CCDC82: variants seen among roughly 807,000 people sequenced by gnomAD.
CCDC82 encodes the protein coiled-coil domain-containing protein 82.
Under a neutral mutation model 60.6 loss-of-function variants are expected in CCDC82, and 47 were observed. The observed-to-expected ratio is 0.77, with a 90% confidence interval of 0.61 to 0.99. The LOEUF (loss-of-function observed/expected upper bound fraction) is 0.99. CCDC82 is among the 50% of genes least tolerant of loss of function. The pLI is 0.00. For missense variants in CCDC82, 588 were observed against 633.0 expected, an observed-to-expected ratio of 0.93 and a Z score of 0.76; for synonymous variants, 212 against 207.4, an observed-to-expected ratio of 1.02 and a Z score of -0.19.
At chr11:96,382,776 T>C (rs1865947137) in intron 5 of CCDC82, 1 of 151,872 alleles carries the variant, frequency 6.6e-6, no homozygotes, top group Non-Finnish European at 1.5e-5. Context: ...GCAAAATTGT[T>C]TTCATACACT....
In CCDC82 at chr11:96,383,229, G is replaced by A. The variant is rs1238176084; in HGVS notation, c.991+40C>T. ...AATTTGATACTTGATAAAATATCAT[G>A]AGAACAATTCATGAAACATTTTCTT... On this transcript the variant is annotated intron_variant, in intron 5 of 9. Transcript: ENST00000646818. 11 of 1,130,642 alleles carry A rather than the reference G, an allele frequency of 9.7e-6. 1 individual carries two copies. In the South Asian group the frequency reaches 1.2e-4, roughly 13 times the overall value. The allele number at this position is 1,130,642 out of a possible 1,614,324, so 70.0% of individuals were successfully genotyped here.
At position 96,384,010 on chromosome 11, in the gene CCDC82, G is replaced by C. The variant is rs151048068; in HGVS notation, c.738C>G (p.Leu246=). ...KREKLQKLKE[L]SKQRSRQRRS... ...GTCTCTGACGAGATCTTTGTTTTGA[G>C]AGTTCTTTGAGCTTCTGAAGTTTTT... Residue 246 remains leucine, a synonymous_variant, in exon 4 of 10, where the codon CTC becomes CTG. Transcript: ENST00000646818. 1.2e-6 allele frequency: 2 copies of C among 1,613,248 alleles called. No individual in the cohort carries two copies. The highest frequency in any genetic ancestry group is 2.7e-5 in the African/African-American group (2 of 74,816).
chr11:96,371,229 G>A, intron 6 of CCDC82, 92 bp from the exon 7 acceptor site: 1 of 835,764 alleles, frequency 1.2e-6, no homozygotes, highest in Non-Finnish European at 1.7e-6. Context: ...CAACTTGGTT[G>A]GAAGCATTTT....
At chr11:96,360,438 G>A (rs184979041) in intron 8 of CCDC82, among the ~76,000 whole-genome samples, 141 of 150,924 alleles carry the variant, frequency 9.3e-4, no homozygotes, top group African/African-American at 3.1e-3. Context: ...CTCGTGATCT[G>A]CCCACCTCGG....
intron 6 of CCDC82, among the ~76,000 whole-genome samples, chr11:96,372,962 A>G (rs1443139334): frequency 5.3e-5 from 8 of 152,072 alleles, no homozygotes; most frequent in Non-Finnish European, 1.2e-4. Flanking sequence ...CACCTAAAAC[A>G]TCTGGGACAA....
At position 96,389,875 on chromosome 11, in the gene CCDC82, T is replaced by G. The variant is rs1172526432; in HGVS notation, c.-170A>C. On this transcript the variant is annotated 5_prime_UTR_variant, in exon 1 of 10. Transcript: ENST00000646818. ...AAGCGCCTCCACCTCTGCCTCCGCC[T>G]CCGCCCCTGCCCCGGCAACCAGCTC... is the stretch of plus-strand genomic sequence containing the variant. 3 of 153,480 alleles carry G rather than the reference T, an allele frequency of 2.0e-5. No homozygotes were observed. The Admixed American group carries it at 2.0e-4, about 10-fold the overall frequency. 9.5% of individuals were successfully genotyped at this position (153,480 alleles called of 1,614,324 possible).
chr11:96,372,945 T>C (rs1487740279), intron 6 of CCDC82, among the ~76,000 whole-genome samples: 1 of 151,894 alleles, frequency 6.6e-6, no homozygotes, highest in Non-Finnish European at 1.5e-5. Flanking sequence ...ACAAATGTTT[T>C]TACACTCACC....
chr11:96,356,358 A>G, intron 9 of CCDC82: 1 of 707,404 alleles, frequency 1.4e-6, no homozygotes. Flanking sequence ...TGTATATGAC[A>G]ATATTTATCA....
chr11:96,359,151 T>G lies in CCDC82; in HGVS notation c.1408A>C (p.Ser470Arg), dbSNP rs143699327. Residue 470 changes from serine to arginine, a missense_variant, in exon 9 of 10, where the codon AGC becomes CGC. Transcript: ENST00000646818. ...QVFTVGRICA[S>R]RTRIYHKLKH... ...AGTTTATGATAAATTCTGGTACGGC[T>G]GGCACAAATTCTGCCAACAGTGAAC... 579 of 1,582,406 alleles carry G rather than the reference T, an allele frequency of 3.7e-4. No homozygotes were observed. The highest frequency in any genetic ancestry group is 4.7e-4 in the Non-Finnish European group (549 of 1,170,650).
rs1339716538 is a variant in CCDC82 at position 96,358,658 on chromosome 11, T to C, written c.1566+335A>G. The C allele has an allele frequency of 2.5e-5, 31 of 1,255,054 alleles. No individual in the cohort carries two copies. In the South Asian group the frequency reaches 3.4e-4, roughly 14 times the overall value. 77.7% of individuals were successfully genotyped at this position (1,255,054 alleles called of 1,614,324 possible). On this transcript the variant is annotated intron_variant, in intron 9 of 9. Coordinates refer to ENST00000646818, the MANE Select transcript of CCDC82 (RefSeq NM_024725.4). Reference sequence around the variant, plus strand: ...AGCAGACAAGCAGAGGTGAGTCCTATACTCTGTCAAAAAAAAAAAAAAAAA... The same window carrying C: ...AGCAGACAAGCAGAGGTGAGTCCTACACTCTGTCAAAAAAAAAAAAAAAAA...
chr11:96,367,493 CCATT>C (rs1375474673), intron 7 of CCDC82, among the ~76,000 whole-genome samples: 1 of 152,212 alleles, frequency 6.6e-6, no homozygotes, highest in Non-Finnish European at 1.5e-5. Context: ...AACTCCTCAT[CCATT>C]CAATTTTTAT....
Position 96,384,366 on chromosome 11 carries a change from T to C in CCDC82, c.382A>G (p.Lys128Glu). 2 of 1,613,880 alleles carry C rather than the reference T, an allele frequency of 1.2e-6. No homozygotes were observed. Among genetic ancestry groups the C allele is most frequent in the Non-Finnish European group, 1.7e-6 (2 of 1,179,874 alleles). The change falls in exon 4 of 10, where the codon AAA (lysine) becomes GAA (glutamate). Residue 128 changes from lysine (K) to glutamate (E), a missense_variant. Physicochemically the swap from Lys to Glu is moderately conservative, Grantham distance 56. Coordinates refer to ENST00000646818, the MANE Select transcript of CCDC82 (RefSeq NM_024725.4). ...TCATTATCCTCTTGACTTAAATGTT[T>C]TTCCTGATCTTGTAAGTCAATATTC... Reference protein sequence around the residue: ...HRNIDLQDQEKHLSQEDNDLN... With the variant: ...HRNIDLQDQEEHLSQEDNDLN...
chr11:96,357,497 C>T (rs143471638), intron 9 of CCDC82: 11 of 984,930 alleles, frequency 1.1e-5, no homozygotes, highest in Admixed American at 6.2e-5. Context: ...TAAAGAATAA[C>T]GTCTTTAAAA....
At position 96,384,730 on chromosome 11, in the gene CCDC82, T is replaced by G; in HGVS notation, c.18A>C (p.Arg6Ser). MIHVR[R>S]HETRRNSKSH... ...TCTTAGAATTTCTCCTTGTTTCATG[T>G]CTTCTAACATGTATCATTTTCACTT... is the stretch of plus-strand genomic sequence containing the variant. Residue 6 changes from arginine (R) to serine (S), a missense_variant, in exon 4 of 10, where the codon AGA becomes AGC. Coordinates refer to ENST00000646818, the MANE Select transcript of CCDC82 (RefSeq NM_024725.4). 6.3e-7 allele frequency: 1 copy of G among 1,597,496 alleles called. No individual in the cohort carries two copies. Among genetic ancestry groups the G allele is most frequent in the Non-Finnish European group, 8.5e-7 (1 of 1,174,712 alleles).
intron 9 of CCDC82, chr11:96,358,367 G>C: frequency 4.9e-6 from 6 of 1,217,538 alleles, no homozygotes; most frequent in Non-Finnish European, 6.1e-6. Context: ...GCAGATCTTC[G>C]GGAATCCAGT....
At chr11:96,358,956 G>C (rs1318341369) in intron 9 of CCDC82, 37 bp downstream of exon 9, 2 of 1,510,554 alleles carry the variant, frequency 1.3e-6, no homozygotes, top group African/African-American at 1.4e-5. Flanking sequence ...TTAGCCTTCA[G>C]AATCTACATG....
intron 5 of CCDC82, chr11:96,382,050 C>A (rs1865902566): frequency 6.6e-6 from 1 of 151,788 alleles, no homozygotes; most frequent in African/African-American, 2.4e-5. Context: ...ATGTGAAGTA[C>A]ACATCTTTGT....
intron 1 of CCDC82, chr11:96,389,228 A>G (rs1448958243): frequency 2.6e-5 from 4 of 152,296 alleles, no homozygotes; most frequent in Non-Finnish European, 5.9e-5. Context: ...TCCTGCCAGC[A>G]TGGTATCCGG....
intron 8 of CCDC82, among the ~76,000 whole-genome samples, chr11:96,359,967 T>C (rs1269200335): frequency 6.6e-6 from 1 of 151,444 alleles, no homozygotes; most frequent in African/African-American, 2.4e-5. Context: ...TGGACTTCTA[T>C]AATTCTATGA....
Sources: allele counts gnomAD v4.1 joint callset (sites outside exome capture counted in the v4.1 genomes callset), GRCh38; gene constraint gnomAD v4.1.1; transcripts MANE v1.5; gene names NCBI Gene and HGNC (gene_info 2026-07-23, HGNC 2026-07-21).